The following DAB1 variants were observed in gnomAD, a reference collection of about 807,000 sequenced individuals.
DAB1 encodes the protein DAB adaptor protein 1, also known as disabled homolog 1.
DAB1 carries 15 observed loss-of-function variants against 64.6 expected under a neutral mutation model. The ratio of observed to expected loss-of-function variants is 0.23; its 90% CI spans 0.16 to 0.36. The LOEUF (loss-of-function observed/expected upper bound fraction) is 0.36. Ranked by LOEUF, DAB1 falls within the 10% of genes least tolerant of loss-of-function variation. The pLI, the probability that DAB1 is intolerant of heterozygous loss-of-function variation, is 1.00. For synonymous variants in DAB1, 235 were observed against 251.9 expected (o/e 0.93, Z 0.64); for missense variants, 596 against 706.7 (o/e 0.84, Z 1.78).
intron 2 of DAB1, among the ~76,000 whole-genome samples, chr1:57,288,075 C>T (rs538384584): frequency 1.4e-3 from 212 of 151,456 alleles, no homozygotes; most frequent in Middle Eastern, 6.8e-3. Flanking sequence ...GGATTACAGG[C>T]GTGAGCCACT....
At chr1:57,266,839 G>A (rs910384766) in intron 2 of DAB1, among the ~76,000 whole-genome samples, 2 of 152,080 alleles carry the variant, frequency 1.3e-5, no homozygotes, top group African/African-American at 4.8e-5. Context: ...CCGATGCAGG[G>A]GTAGGTTCAT....
chr1:57,839,750 G>A (rs916822467), intron 1 of DAB1, among the ~76,000 whole-genome samples: 2 of 152,184 alleles, frequency 1.3e-5, no homozygotes, highest in African/African-American at 4.8e-5. Flanking sequence ...CTGTTACTTT[G>A]TGTGCTACTC....
intron 5 of DAB1, among the ~76,000 whole-genome samples, chr1:58,065,852 T>G (rs1279954356): frequency 2.0e-5 from 3 of 152,178 alleles, no homozygotes; most frequent in Non-Finnish European, 1.5e-5. Context: ...TGCAGACTTG[T>G]CCTGACCTGA....
At chr1:57,996,843 A>G (rs995448773) in intron 5 of DAB1, among the ~76,000 whole-genome samples, 1 of 151,930 alleles carries the variant, frequency 6.6e-6, no homozygotes, top group Non-Finnish European at 1.5e-5. Flanking sequence ...TCTCTTCCTT[A>G]GTGATTCGTT....
chr1:57,723,367 C>T (rs765485780), intron 6 of DAB1, among the ~76,000 whole-genome samples: 15 of 152,248 alleles, frequency 9.9e-5, no homozygotes, highest in Admixed American at 5.2e-4. Flanking sequence ...TTTTCTGATA[C>T]GCCTGTTTAT....
chr1:57,892,379 G>A (rs753266388), intron 5 of DAB1, among the ~76,000 whole-genome samples: 37 of 152,286 alleles, frequency 2.4e-4, no homozygotes, highest in Non-Finnish European at 5.0e-4. Context: ...AATGATAATA[G>A]CAATTAATGC....
intron 7 of DAB1, among the ~76,000 whole-genome samples, chr1:57,557,869 A>G (rs761912125): frequency 2.6e-5 from 4 of 152,148 alleles, no homozygotes; most frequent in Non-Finnish European, 5.9e-5. Context: ...AAAATGATAA[A>G]CTCAGAGATT....
At chr1:58,380,089 G>A (rs1308495213) in intron 3 of DAB1, among the ~76,000 whole-genome samples, 1 of 152,104 alleles carries the variant, frequency 6.6e-6, no homozygotes, top group Admixed American at 6.5e-5. Context: ...TAGCATCCTT[G>A]GATGCCACCT....
chr1:58,084,487 C>CCA, intron 5 of DAB1: 2 of 170,558 alleles, frequency 1.2e-5, no homozygotes, highest in Non-Finnish European at 2.7e-5. Context: ...TGAGTCATGT[C>CCA]CATGTATAAA....
chr1:57,781,296 A>G (rs1650087203), intron 6 of DAB1, among the ~76,000 whole-genome samples: 1 of 151,620 alleles, frequency 6.6e-6, no homozygotes, highest in East Asian at 1.9e-4. Context: ...AGTTAAAAAG[A>G]TGCTTCATTT....
intron 4 of DAB1, among the ~76,000 whole-genome samples, chr1:57,125,499 G>GA (rs1321172334): frequency 1.3e-5 from 2 of 151,784 alleles, no homozygotes; most frequent in Non-Finnish European, 1.5e-5. Context: ...TAATCTCTCT[G>GA]AAAAAAATAC....
chr1:57,130,436 G>T (rs58711240), intron 4 of DAB1, among the ~76,000 whole-genome samples: 2,724 of 152,186 alleles, frequency 0.018, 76 homozygotes, highest in African/African-American at 0.062. Context: ...TGAAATCAGT[G>T]TATTGAAGAT....
intron 6 of DAB1, among the ~76,000 whole-genome samples, chr1:57,769,364 G>A (rs974899947): frequency 2.0e-5 from 3 of 152,132 alleles, no homozygotes; most frequent in Admixed American, 6.5e-5. Flanking sequence ...TGGGTCTTGT[G>A]AGGATCAACA....
At chr1:57,582,182 G>A (rs1645321380) in intron 7 of DAB1, among the ~76,000 whole-genome samples, 1 of 152,150 alleles carries the variant, frequency 6.6e-6, no homozygotes, top group African/African-American at 2.4e-5. Flanking sequence ...TACCACCTGA[G>A]CCTGGATAGT....
At chr1:57,561,563 A>T (rs1040220246) in intron 7 of DAB1, among the ~76,000 whole-genome samples, 4 of 152,224 alleles carry the variant, frequency 2.6e-5, no homozygotes, top group Non-Finnish European at 5.9e-5. Context: ...TCCCATGTGA[A>T]TGCTCACCAA....
chr1:57,407,679 G>A (rs771570405), intron 1 of DAB1, among the ~76,000 whole-genome samples: 14 of 152,060 alleles, frequency 9.2e-5, no homozygotes, highest in Non-Finnish European at 1.9e-4. Flanking sequence ...GCCAAGCCTT[G>A]ATTTGACCAT....
intron 10 of DAB1, 58 bp downstream of exon 10, chr1:57,025,923 G>C: frequency 7.2e-7 from 1 of 1,384,098 alleles, no homozygotes; most frequent in Non-Finnish European, 9.9e-7. Flanking sequence ...TGGCCACTGA[G>C]GGGATGTGTA....
intron 5 of DAB1, among the ~76,000 whole-genome samples, chr1:58,129,052 C>G (rs1653336384): frequency 1.4e-5 from 2 of 143,000 alleles, no homozygotes; most frequent in Admixed American, 1.4e-4. Flanking sequence ...CTCCTTGTAC[C>G]TCTGGTAGAA....
At chr1:57,428,029 G>T (rs1233496838), upstream of DAB1, among the ~76,000 whole-genome samples, 1 of 152,028 alleles carries the variant, frequency 6.6e-6, no homozygotes, top group Admixed American at 6.6e-5. Context: ...TTAGCCGGGC[G>T]TGGTGGCTCA....
Sources: allele counts gnomAD v4.1 joint callset (sites outside exome capture counted in the v4.1 genomes callset), GRCh38; gene constraint gnomAD v4.1.1; transcripts MANE v1.5; gene names NCBI Gene and HGNC (gene_info 2026-07-23, HGNC 2026-07-21).